The following LINGO2 variants were observed in gnomAD, a reference collection of about 807,000 sequenced individuals.
The protein encoded by LINGO2 is leucine-rich repeat and immunoglobulin-like domain-containing nogo receptor-interacting protein 2.
In LINGO2, 14 loss-of-function variants were observed where a neutral mutation model predicts 30.6. The observed-to-expected ratio is 0.46, with a 90% CI of 0.30 to 0.72. LINGO2 has a LOEUF of 0.72. Among genes scored for constraint, LINGO2 ranks in the 30% least tolerant of loss-of-function variants. The pLI is 0.07. For missense variants in LINGO2, 729 were observed against 751.7 expected (o/e 0.97, Z 0.35); for synonymous variants, 317 against 288.5 (o/e 1.10, Z -1.00).
At chr9:28,603,722 C>T (rs1430049970) in intron 1 of LINGO2, among the ~76,000 whole-genome samples, 1 of 152,030 alleles carries the variant, frequency 6.6e-6, no homozygotes, top group Non-Finnish European at 1.5e-5. Context: ...TATTTCCTTA[C>T]TTGCTGCAAA....
intron 4 of LINGO2, among the ~76,000 whole-genome samples, chr9:28,096,650 C>G (rs1264362423): frequency 2.0e-5 from 3 of 152,086 alleles, no homozygotes; most frequent in Non-Finnish European, 4.4e-5. Context: ...CAGTGCTGAT[C>G]CGGTGTCTTT....
intron 4 of LINGO2, among the ~76,000 whole-genome samples, chr9:28,198,107 A>G (rs34484369): frequency 0.023 from 3,543 of 151,984 alleles, 77 homozygotes; most frequent in Non-Finnish European, 0.038. Flanking sequence ...GTTTACTCGT[A>G]GGAATTTATC....
chr9:29,034,748 TC>T, the LINGO2 span, among the ~76,000 whole-genome samples: 1 of 152,160 alleles, frequency 6.6e-6, no homozygotes, highest in Non-Finnish European at 1.5e-5. Context: ...CAGAAGAATA[TC>T]ATCTTTTTAC....
chr9:28,893,692 A>G, the LINGO2 span, among the ~76,000 whole-genome samples: 1 of 151,636 alleles, frequency 6.6e-6, no homozygotes, highest in African/African-American at 2.4e-5. Context: ...ATTTCTATTG[A>G]TTACTTGTGT....
At position 28,117,132 on chromosome 9, in the gene LINGO2, C is replaced by A. The variant is rs58264446; in HGVS notation, c.-86-104727G>T. 7.4e-3 allele frequency among the ~76,000 whole-genome samples: 1,099 copies of A among 148,760 alleles called. 18 individuals are homozygous for A. Among genetic ancestry groups the A allele is most frequent in the African/African-American group, 0.025 (1,036 of 40,790 alleles). ...GGTTGTTAGTTTTCCTTCTAACAGA[C>A]AGGACCCTCAGCTGCAGGTCTGTTG... On this transcript the variant is annotated intron_variant, in intron 4 of 5. Transcript: ENST00000379992.
In LINGO2 at chr9:28,177,933, C is replaced by A. The variant is rs77682030; in HGVS notation, c.-87+117275G>T. ...GCCTATCAAATACTCTTTACATTTT[C>A]TTTCTTTTTCTTTAGCAGGGGCTTT... is the stretch of plus-strand genomic sequence containing the variant. On this transcript the variant is annotated intron_variant, in intron 4 of 5. Coordinates refer to ENST00000379992, the Ensembl canonical transcript of LINGO2. 1.8e-3 allele frequency among the ~76,000 whole-genome samples: 273 copies of A among 152,258 alleles called. 1 individual carries two copies. The East Asian group carries it at 0.022, about 12-fold the overall frequency.
chr9:28,204,045 T>A (rs561788731), intron 4 of LINGO2, among the ~76,000 whole-genome samples: 1 of 152,184 alleles, frequency 6.6e-6, no homozygotes, highest in African/African-American at 2.4e-5. Context: ...AACGTTTTTA[T>A]TGAATGCCAC....
At chr9:28,247,309 T>C (rs188678452) in intron 4 of LINGO2, among the ~76,000 whole-genome samples, 57 of 152,324 alleles carry the variant, frequency 3.7e-4, no homozygotes, top group African/African-American at 1.2e-3. Context: ...AGTATGTTTA[T>C]TGTAGCACTA....
At chr9:28,149,371 G>C (rs973248148) in intron 4 of LINGO2, 27 of 430,368 alleles carry the variant, frequency 6.3e-5, no homozygotes, top group Non-Finnish European at 9.2e-5. Context: ...GAAGTGAGGA[G>C]CGCCTCTGCC....
chr9:28,836,116 G>A, the LINGO2 span, among the ~76,000 whole-genome samples: 2 of 152,188 alleles, frequency 1.3e-5, no homozygotes, highest in African/African-American at 4.8e-5. Context: ...ACTGAGCCAT[G>A]GCAGAAACGA....
rs532645631 is a variant in LINGO2 at position 28,379,649 on chromosome 9, G to A, written c.-278-6781C>T. On this transcript the variant is annotated intron_variant, in intron 2 of 5. Transcript: ENST00000379992. ...CGATGTGCCTCCCACAAACACGAAT[G>A]CTATTGTATGCTTTATTATTATACC... Among the ~76,000 whole-genome samples the A allele has an allele frequency of 2.6e-5, 4 of 152,174 alleles. No homozygotes were observed. In the South Asian group the frequency reaches 8.3e-4, roughly 32 times the overall value.
chr9:28,498,798 C>T (rs1159075816), intron 1 of LINGO2, among the ~76,000 whole-genome samples: 3 of 152,060 alleles, frequency 2.0e-5, no homozygotes, highest in South Asian at 2.1e-4. Context: ...CATCTTGGAA[C>T]CGCCCCCCTC....
At chr9:28,899,115 G>A in the LINGO2 span, among the ~76,000 whole-genome samples, 7 of 152,240 alleles carry the variant, frequency 4.6e-5, no homozygotes, top group South Asian at 1.4e-3. Context: ...TAGCATCTGG[G>A]TATATCACAA....
chr9:28,852,596 TAAA>T, the LINGO2 span, among the ~76,000 whole-genome samples: 1 of 151,876 alleles, frequency 6.6e-6, no homozygotes, highest in African/African-American at 2.4e-5. Flanking sequence ...ACTGCAAAAA[TAAA>T]ATTCAAGATA....
At chr9:28,091,916 A>AT (rs1230204541) in intron 4 of LINGO2, among the ~76,000 whole-genome samples, 1 of 152,206 alleles carries the variant, frequency 6.6e-6, no homozygotes, top group Non-Finnish European at 1.5e-5. Context: ...AAAAGAAGAC[A>AT]TTTTTGCAGC....
the LINGO2 span, among the ~76,000 whole-genome samples, chr9:28,731,300 T>G: frequency 6.6e-6 from 1 of 152,054 alleles, no homozygotes; most frequent in Admixed American, 6.6e-5. Flanking sequence ...AGCCCAGGTA[T>G]TTTTCAGTGG....
intron 4 of LINGO2, among the ~76,000 whole-genome samples, chr9:28,142,894 C>A (rs1053143213): frequency 6.6e-6 from 1 of 152,144 alleles, no homozygotes; most frequent in Admixed American, 6.5e-5. Context: ...GACTAGATAA[C>A]TTAACAGTTG....
At chr9:28,378,983 C>T (rs1252155259) in intron 2 of LINGO2, among the ~76,000 whole-genome samples, 1 of 152,026 alleles carries the variant, frequency 6.6e-6, no homozygotes, top group Non-Finnish European at 1.5e-5. Flanking sequence ...AAAAAGTAGT[C>T]TGACAAACAG....
At chr9:29,175,630 G>T in the LINGO2 span, among the ~76,000 whole-genome samples, 1 of 149,226 alleles carries the variant, frequency 6.7e-6, no homozygotes, top group African/African-American at 2.5e-5. Context: ...GGGTTCAAGC[G>T]ATTATCCTGT....
Sources: gnomAD v4.1 joint callset for allele counts (sites outside exome capture counted in the v4.1 genomes callset) on GRCh38, gnomAD v4.1.1 for gene constraint, MANE v1.5 for transcripts, NCBI Gene and HGNC (gene_info 2026-07-23, HGNC 2026-07-21) for gene names.